The following TRPC5 variants were observed in gnomAD, a reference collection of about 807,000 sequenced individuals.
The protein encoded by TRPC5 is short transient receptor potential channel 5.
Under a neutral mutation model 56.5 loss-of-function variants are expected in TRPC5, and 9 were observed. The observed-to-expected ratio is 0.16, with a 90% confidence interval of 0.10 to 0.28. TRPC5 has a LOEUF of 0.28. Among genes scored for constraint, TRPC5 ranks in the 10% least tolerant of loss-of-function variants. TRPC5 has a pLI of 1.00. For synonymous variants in TRPC5, 282 were observed against 278.5 expected, an observed-to-expected ratio of 1.01 and a Z score of -0.13; for missense variants, 469 against 748.9, an observed-to-expected ratio of 0.63 and a Z score of 4.36.
chrX:112,036,410 A>G (rs1003714500), intron 1 of TRPC5, among the ~76,000 whole-genome samples: 19 of 111,808 alleles, frequency 1.7e-4, no homozygotes, highest in African/African-American at 5.2e-4. Flanking sequence ...CCATACATAG[A>G]TTAGAACAGA....
intron 2 of TRPC5, among the ~76,000 whole-genome samples, chrX:111,946,575 C>G (rs1299894144): frequency 8.9e-6 from 1 of 112,062 alleles, no homozygotes; most frequent in Non-Finnish European, 1.9e-5. Context: ...CTCCTCATTC[C>G]CAAAACTGTA....
At chrX:112,013,869 C>T (rs1281213859) in intron 1 of TRPC5, among the ~76,000 whole-genome samples, 5 of 111,708 alleles carry the variant, frequency 4.5e-5, no homozygotes, top group African/African-American at 9.8e-5. Flanking sequence ...CAGTACAATT[C>T]AGAGAAGGGC....
intron 1 of TRPC5, among the ~76,000 whole-genome samples, chrX:111,963,961 A>G (rs990395707): frequency 1.1e-4 from 12 of 112,355 alleles, no homozygotes. Flanking sequence ...GCAATGGAAC[A>G]AAGCTGGACG....
intron 3 of TRPC5, among the ~76,000 whole-genome samples, chrX:111,911,607 A>T (rs1335198845): frequency 8.9e-6 from 1 of 111,929 alleles, no homozygotes; most frequent in African/African-American, 3.2e-5. Flanking sequence ...AATCTTCCCT[A>T]ACTGGAAATC....
At chrX:111,778,800 G>A (rs1410817422) in intron 10 of TRPC5, among the ~76,000 whole-genome samples, 185 bp downstream of exon 10, 1 of 111,599 alleles carries the variant, frequency 9.0e-6, no homozygotes, top group East Asian at 2.8e-4. Context: ...TGATTGTGGT[G>A]TGACATACAT....
At chrX:112,053,326 G>C (rs1000979647) in intron 1 of TRPC5, among the ~76,000 whole-genome samples, 7 of 111,721 alleles carry the variant, frequency 6.3e-5, no homozygotes, top group African/African-American at 2.3e-4. Context: ...CTACTGTCTA[G>C]CTATGTGACT....
intron 7 of TRPC5, among the ~76,000 whole-genome samples, chrX:111,829,247 A>T (rs1025187365): frequency 1.0e-5 from 1 of 98,577 alleles, no homozygotes; most frequent in Non-Finnish European, 2.0e-5. Context: ...GGTTGCAGTG[A>T]GCTGAGATCA....
chrX:112,015,006 G>A (rs760939144), intron 1 of TRPC5, among the ~76,000 whole-genome samples: 53 of 103,142 alleles, frequency 5.1e-4, no homozygotes, highest in African/African-American at 1.1e-3. Context: ...AAATAAAGCC[G>A]CTTTTCCCTC....
intron 7 of TRPC5, among the ~76,000 whole-genome samples, chrX:111,790,239 A>G (rs1451266291): frequency 2.7e-5 from 3 of 111,673 alleles, no homozygotes; most frequent in African/African-American, 9.8e-5. Context: ...ATAAAAAAGG[A>G]TGAGTTCATG....
intron 1 of TRPC5, among the ~76,000 whole-genome samples, chrX:112,050,185 AC>A (rs757620827): frequency 2.9e-5 from 3 of 103,040 alleles, no homozygotes; most frequent in African/African-American, 1.0e-4. Context: ...AACAACAAAA[AC>A]AAACAAACAA....
At chrX:111,790,467 G>A (rs2148555053) in intron 7 of TRPC5, among the ~76,000 whole-genome samples, 1 of 111,287 alleles carries the variant, frequency 9.0e-6, no homozygotes, top group South Asian at 3.9e-4. Flanking sequence ...TAAATGATGA[G>A]TTGATGAGTG....
intron 8 of TRPC5, among the ~76,000 whole-genome samples, chrX:111,781,442 T>C (rs1420865210): frequency 8.9e-6 from 1 of 112,233 alleles, no homozygotes; most frequent in Non-Finnish European, 1.9e-5. Context: ...ATTCATAATA[T>C]TGGCCAGGTG....
chrX:111,990,139 C>T (rs1458227394), intron 1 of TRPC5, among the ~76,000 whole-genome samples: 1 of 112,298 alleles, frequency 8.9e-6, no homozygotes, highest in Non-Finnish European at 1.9e-5. Context: ...GCTTTGCAGC[C>T]GGGTGTAGTG....
chrX:111,985,473 A>G (rs962036359), intron 1 of TRPC5, among the ~76,000 whole-genome samples: 2 of 111,988 alleles, frequency 1.8e-5, no homozygotes. Context: ...CCCCAAATGC[A>G]CAATTACCTT....
intron 1 of TRPC5, among the ~76,000 whole-genome samples, chrX:112,050,129 T>C (rs1313825185): frequency 8.9e-6 from 1 of 112,243 alleles, no homozygotes. Flanking sequence ...TGAGCCGAGA[T>C]TGTACCATTG....
At chrX:112,022,169 T>C (rs951764912) in intron 1 of TRPC5, among the ~76,000 whole-genome samples, 1 of 112,347 alleles carries the variant, frequency 8.9e-6, no homozygotes, top group Non-Finnish European at 1.9e-5. Context: ...ATATACTGTA[T>C]TTATGCAATA....
chrX:111,924,384 T>G (rs1157791960), intron 2 of TRPC5, among the ~76,000 whole-genome samples: 1 of 110,286 alleles, frequency 9.1e-6, no homozygotes, highest in Non-Finnish European at 1.9e-5. Flanking sequence ...AGGGCAGTTC[T>G]GACCTTCACT....
intron 1 of TRPC5, among the ~76,000 whole-genome samples, chrX:112,053,717 T>C (rs1456699824): frequency 9.0e-6 from 1 of 111,085 alleles, no homozygotes; most frequent in Non-Finnish European, 1.9e-5. Context: ...TGTGTGTGTA[T>C]AAAATAATTT....
chrX:112,022,814 A>C (rs1314932857), intron 1 of TRPC5, among the ~76,000 whole-genome samples: 1 of 112,617 alleles, frequency 8.9e-6, no homozygotes, highest in Non-Finnish European at 1.9e-5. Context: ...AACTGCTATG[A>C]ATTTTACTGA....
Sources: allele counts gnomAD v4.1 joint callset (sites outside exome capture counted in the v4.1 genomes callset), GRCh38; gene constraint gnomAD v4.1.1; transcripts MANE v1.5; gene names NCBI Gene and HGNC (gene_info 2026-07-23, HGNC 2026-07-21).